The following ASTN2 variants were observed in gnomAD, a reference collection of about 807,000 sequenced individuals.
The protein encoded by ASTN2 is astrotactin-2.
In ASTN2, 54 loss-of-function variants were observed where a neutral mutation model predicts 139.8. The observed-to-expected ratio is 0.39, with a 90% CI of 0.31 to 0.48. ASTN2 has a LOEUF of 0.48. ASTN2 is among the 20% of genes least tolerant of loss of function. The pLI is 0.95. For missense variants in ASTN2, 1,565 were observed against 1,725.1 expected (o/e 0.91, Z 1.64); for synonymous variants, 756 against 719.5 (o/e 1.05, Z -0.81).
intron 17 of ASTN2, among the ~76,000 whole-genome samples, chr9:116,639,269 C>T (rs1857217655): frequency 6.6e-6 from 1 of 152,150 alleles, no homozygotes; most frequent in Admixed American, 6.5e-5. Flanking sequence ...TCTTCCTCTC[C>T]TCTCAGGATA....
rs1564265528 is a variant in ASTN2 at position 116,423,492 on chromosome 9, G to C, written c.*2359C>G. Among the ~76,000 whole-genome samples, 1 of 152,142 alleles carries C rather than the reference G, an allele frequency of 6.6e-6. No individual in the cohort carries two copies. Among genetic ancestry groups the C allele is most frequent in the African/African-American group, 2.4e-5 (1 of 41,428 alleles). On this transcript the variant is annotated 3_prime_UTR_variant, in exon 23 of 23. Coordinates refer to ENST00000313400, the MANE Select transcript of ASTN2 (RefSeq NM_001365068.1). ...CAACTGTTGAGCTAAATTGTTCCTC[G>C]GGTTGGGTCAAGACAATGGAAAGCA...
chr9:117,140,387 A>G (rs1458115144), intron 4 of ASTN2, among the ~76,000 whole-genome samples: 4 of 152,082 alleles, frequency 2.6e-5, no homozygotes, highest in Non-Finnish European at 5.9e-5. Flanking sequence ...GGAAATGGAG[A>G]AGTGAGAGGC....
At chr9:116,640,768 G>C (rs1857288017) in intron 17 of ASTN2, among the ~76,000 whole-genome samples, 1 of 152,228 alleles carries the variant, frequency 6.6e-6, no homozygotes. Flanking sequence ...AAAGTGATGT[G>C]AGCAAGTTTT....
intron 19 of ASTN2, among the ~76,000 whole-genome samples, chr9:116,536,047 G>T (rs1487059993): frequency 6.7e-6 from 1 of 148,352 alleles, no homozygotes. Context: ...TGGAGGCTTT[G>T]TTTGTTTCTT....
At chr9:116,427,710 G>A (rs1847353472) in intron 22 of ASTN2, among the ~76,000 whole-genome samples, 1 of 152,238 alleles carries the variant, frequency 6.6e-6, no homozygotes, top group South Asian at 2.1e-4. Flanking sequence ...CAATTTATGA[G>A]GTGCCTTTCA....
At chr9:116,978,470 A>ATCTCTCTC (rs147901303) in intron 7 of ASTN2, among the ~76,000 whole-genome samples, 15 of 141,848 alleles carry the variant, frequency 1.1e-4, no homozygotes, top group South Asian at 6.7e-4. Context: ...CTCTGTATGT[A>ATCTCTCTC]TCTCTCTCTC....
In ASTN2 at chr9:116,758,061, G is replaced by A. The variant is rs1308649502; in HGVS notation, c.2397-24538C>T. ...GCCTGAGAGATCAAAATCTAGTCCAGTCCCTCCACTGTGCCTCAGTTTCCT... is the reference window on the plus strand; with the variant it reads ...GCCTGAGAGATCAAAATCTAGTCCAATCCCTCCACTGTGCCTCAGTTTCCT... On this transcript the variant is annotated intron_variant, in intron 13 of 22. Transcript: ENST00000313400. 3.3e-5 allele frequency among the ~76,000 whole-genome samples: 5 copies of A among 152,232 alleles called. No homozygotes were observed. The East Asian group carries it at 7.7e-4, about 24-fold the overall frequency.
chr9:117,263,317 C>T (rs916819837), intron 2 of ASTN2, among the ~76,000 whole-genome samples: 1 of 152,080 alleles, frequency 6.6e-6, no homozygotes, highest in Non-Finnish European at 1.5e-5. Flanking sequence ...ACATTTTTAT[C>T]TAACTATTCC....
chr9:116,670,666 G>A (rs1272661392), intron 16 of ASTN2, among the ~76,000 whole-genome samples: 1 of 152,142 alleles, frequency 6.6e-6, no homozygotes, highest in Non-Finnish European at 1.5e-5. Context: ...AAAGCTGGCT[G>A]AAATACTGGA....
intron 19 of ASTN2, among the ~76,000 whole-genome samples, chr9:116,497,348 T>C (rs1029115882): frequency 2.6e-5 from 4 of 152,114 alleles, no homozygotes; most frequent in Non-Finnish European, 5.9e-5. Context: ...TTCAAAGAGT[T>C]CACAAGCAGT....
chr9:116,633,122 G>A (rs1856891899), intron 17 of ASTN2, among the ~76,000 whole-genome samples: 1 of 152,212 alleles, frequency 6.6e-6, no homozygotes, highest in Non-Finnish European at 1.5e-5. Context: ...TGTCCTGCCT[G>A]TCACTAAGCT....
intron 19 of ASTN2, chr9:116,546,486 T>A (rs1304922480): frequency 6.6e-6 from 1 of 152,188 alleles, no homozygotes; most frequent in African/African-American, 2.4e-5. Context: ...GTTCTACCCT[T>A]TCTGTTCCAG....
At position 116,698,156 on chromosome 9, in the gene ASTN2, CAAAG is replaced by C; in HGVS notation, c.2806+27611_2806+27614del. On this transcript the variant is annotated intron_variant, in intron 16 of 22. Coordinates refer to ENST00000313400, the MANE Select transcript of ASTN2 (RefSeq NM_001365068.1). This position sits in a 1 kb window ranked among gnomAD's most constrained non-coding sequence, Gnocchi z 4.4. Reference sequence around the variant, plus strand: ...CTCCTGGCCACTGTACACTCCCTGTCAAAGAAGCAGCTGAGGAGCGGCGTCGGGA... The same window carrying C: ...CTCCTGGCCACTGTACACTCCCTGTCAAGCAGCTGAGGAGCGGCGTCGGGA... 1 of 1,614,126 alleles carries C rather than the reference CAAAG, an allele frequency of 6.2e-7. No homozygotes were observed. The highest frequency in any genetic ancestry group is 8.5e-7 in the Non-Finnish European group (1 of 1,180,024).
At chr9:116,501,293 A>T (rs1849845323) in intron 19 of ASTN2, among the ~76,000 whole-genome samples, 1 of 152,158 alleles carries the variant, frequency 6.6e-6, no homozygotes, top group African/African-American at 2.4e-5. Flanking sequence ...AAGGACATGA[A>T]CTCATCCTTT....
At chr9:116,786,276 A>G (rs1261361852) in intron 13 of ASTN2, among the ~76,000 whole-genome samples, 2 of 151,974 alleles carry the variant, frequency 1.3e-5, no homozygotes, top group Admixed American at 1.3e-4. Flanking sequence ...AGTACCCTTA[A>G]CTCAACCTGC....
intron 2 of ASTN2, among the ~76,000 whole-genome samples, chr9:117,258,568 A>C (rs1564111447): frequency 6.6e-6 from 1 of 152,194 alleles, no homozygotes; most frequent in African/African-American, 2.4e-5. Context: ...TTCTATTCAC[A>C]TTTCTAAAGC....
intron 17 of ASTN2, among the ~76,000 whole-genome samples, chr9:116,641,438 T>A (rs555529951): frequency 6.6e-6 from 1 of 152,188 alleles, no homozygotes; most frequent in East Asian, 1.9e-4. Context: ...TCAGTTTTCA[T>A]GTTGGGGAAA....
chr9:117,137,710 C>T (rs1829985756), intron 4 of ASTN2, among the ~76,000 whole-genome samples: 1 of 146,084 alleles, frequency 6.8e-6, no homozygotes, highest in African/African-American at 2.5e-5. Context: ...AATTTCCAAA[C>T]TTTTTTTTTT....
chr9:116,934,185 G>T (rs1288118666), intron 10 of ASTN2, among the ~76,000 whole-genome samples: 1 of 151,882 alleles, frequency 6.6e-6, no homozygotes, highest in Non-Finnish European at 1.5e-5. Context: ...CAAATGAGAA[G>T]CTACTGCTCC....
Sources: allele counts gnomAD v4.1 joint callset (sites outside exome capture counted in the v4.1 genomes callset), GRCh38; gene constraint gnomAD v4.1.1; non-coding constraint Gnocchi (gnomAD v3.1); transcripts MANE v1.5; gene names NCBI Gene and HGNC (gene_info 2026-07-23, HGNC 2026-07-21).